The following ZDHHC7 variants were observed in gnomAD, a reference collection of about 807,000 sequenced individuals.
ZDHHC7 encodes the protein zDHHC palmitoyltransferase 7.
A neutral mutation model predicts 34.1 loss-of-function variants in ZDHHC7; 12 were observed. The ratio of observed to expected loss-of-function variants is 0.35; its 90% CI spans 0.23 to 0.57. The LOEUF is 0.57. Ranked by LOEUF, ZDHHC7 falls within the 20% of genes least tolerant of loss-of-function variation. The pLI, the probability that ZDHHC7 is intolerant of heterozygous loss-of-function variation, is 0.84. For missense variants in ZDHHC7, 388 were observed against 402.7 expected (o/e 0.96, Z 0.31); for synonymous variants, 185 against 155.4 (o/e 1.19, Z -1.42).
chr16:85,023,905 C>T, the ZDHHC7 span, among the ~76,000 whole-genome samples: 1 of 151,894 alleles, frequency 6.6e-6, no homozygotes, highest in East Asian at 1.9e-4. Flanking sequence ...CATGAGCCAT[C>T]ACACCCAACC....
intron 2 of ZDHHC7, among the ~76,000 whole-genome samples, chr16:84,994,000 T>C (rs750748864): frequency 4.6e-5 from 7 of 152,198 alleles, no homozygotes; most frequent in South Asian, 2.1e-4. Context: ...GCACTACTAG[T>C]AAAGCCTGAC....
In ZDHHC7 at chr16:84,990,259, A is replaced by G. The variant is rs371945692; in HGVS notation, c.315+45T>C. On this transcript the variant is annotated intron_variant, in intron 3 of 7. Transcript: ENST00000313732. ...AGGGTCAGCCACACCCGAGGACACT[A>G]GACCAGACACAAGAGAGCCACCCAG... The G allele has an allele frequency of 6.5e-5, 103 of 1,594,848 alleles. No individual in the cohort carries two copies. The East Asian group carries it at 1.5e-3, about 24-fold the overall frequency.
chr16:84,986,666 C>A (rs1245223154), intron 3 of ZDHHC7, among the ~76,000 whole-genome samples: 1 of 152,218 alleles, frequency 6.6e-6, no homozygotes, highest in Non-Finnish European at 1.5e-5. Flanking sequence ...CTGACCCCAT[C>A]TTCCCCTCCA....
chr16:85,022,469 G>A, the ZDHHC7 span, among the ~76,000 whole-genome samples: 1 of 152,148 alleles, frequency 6.6e-6, no homozygotes, highest in Non-Finnish European at 1.5e-5. Flanking sequence ...GTTGCAGTGA[G>A]CTGAGATTGC....
upstream of ZDHHC7, among the ~76,000 whole-genome samples, chr16:85,011,846 C>T (rs904384597): frequency 7.2e-5 from 11 of 152,204 alleles, no homozygotes; most frequent in African/African-American, 2.7e-4. Context: ...TCAGAGGCAG[C>T]TCCAGTGGCC....
At chr16:85,022,955 C>T in the ZDHHC7 span, among the ~76,000 whole-genome samples, 1 of 152,078 alleles carries the variant, frequency 6.6e-6, no homozygotes, top group South Asian at 2.1e-4. Flanking sequence ...CAAAGAAAAG[C>T]TGAGGAACTG....
At chr16:85,002,521 A>AC (rs1464222489) in intron 1 of ZDHHC7, among the ~76,000 whole-genome samples, 1 of 152,072 alleles carries the variant, frequency 6.6e-6, no homozygotes, top group Non-Finnish European at 1.5e-5. Flanking sequence ...AAAATCCCTG[A>AC]CCCACAGCAC....
intron 1 of ZDHHC7, among the ~76,000 whole-genome samples, chr16:84,998,177 C>G (rs2072607220): frequency 6.7e-6 from 1 of 148,882 alleles, no homozygotes; most frequent in Non-Finnish European, 1.5e-5. Flanking sequence ...GACAGGAGAA[C>G]GGCGCGAACC....
intron 1 of ZDHHC7, among the ~76,000 whole-genome samples, chr16:85,002,044 C>A (rs1025684736): frequency 6.6e-6 from 1 of 152,002 alleles, no homozygotes; most frequent in Non-Finnish European, 1.5e-5. Flanking sequence ...ATATAGGAAC[C>A]AAGTAAAAGA....
At chr16:85,001,047 A>G (rs777411544) in intron 1 of ZDHHC7, among the ~76,000 whole-genome samples, 21 of 152,212 alleles carry the variant, frequency 1.4e-4, no homozygotes, top group Non-Finnish European at 2.6e-4. Flanking sequence ...CCAGAGGGGA[A>G]TGTGACCAGA....
At chr16:85,023,815 T>G in the ZDHHC7 span, among the ~76,000 whole-genome samples, 2 of 152,036 alleles carry the variant, frequency 1.3e-5, no homozygotes, top group Admixed American at 1.3e-4. Context: ...AGACGGGGTT[T>G]CACCATGTTG....
At chr16:84,980,809 C>G (rs774587098) in intron 4 of ZDHHC7, among the ~76,000 whole-genome samples, 3 of 152,206 alleles carry the variant, frequency 2.0e-5, no homozygotes, top group Non-Finnish European at 2.9e-5. Context: ...AAAGAAACCT[C>G]ACCCCATATG....
At position 84,974,943 on chromosome 16, in the gene ZDHHC7, A is replaced by T. The variant is rs1336941794; in HGVS notation, c.*1400T>A. 1 of 152,682 alleles carries T rather than the reference A, an allele frequency of 6.5e-6. No individual in the cohort carries two copies. The highest frequency in any genetic ancestry group is 1.5e-5 in the Non-Finnish European group (1 of 68,070). 9.5% of individuals were successfully genotyped at this position (152,682 alleles called of 1,614,324 possible). Reference sequence around the variant, plus strand: ...CAGTTCACAGATGAACAGAAAGGCAAAACAATTCCCAGGAGGGAGACGCCA... The same window carrying T: ...CAGTTCACAGATGAACAGAAAGGCATAACAATTCCCAGGAGGGAGACGCCA... On this transcript the variant is annotated 3_prime_UTR_variant, in exon 8 of 8. Transcript: ENST00000313732.
rs775908748 is a variant in ZDHHC7 at position 84,977,937 on chromosome 16, T to A, written c.606A>T (p.Arg202=). 2 of 1,613,864 alleles carry A rather than the reference T, an allele frequency of 1.2e-6. No homozygotes were observed. Among genetic ancestry groups the A allele is most frequent in the East Asian group, 4.5e-5 (2 of 44,880 alleles). The change falls in exon 6 of 8, where the codon CGA becomes CGT. Residue 202 remains arginine, a synonymous_variant. Transcript: ENST00000313732. ...LCGFQFISCV[R]GQWTECSDFS... ...CAGGGAACTTACCAGTCCACTGCCC[T>A]CGGACACAGGAGATGAACTGAAATC...
At chr16:84,998,820 C>T (rs1430636248) in intron 1 of ZDHHC7, among the ~76,000 whole-genome samples, 1 of 141,038 alleles carries the variant, frequency 7.1e-6, no homozygotes, top group Non-Finnish European at 1.5e-5. Context: ...GTGGCGCGAT[C>T]TCGGCTCACC....
chr16:84,998,667 C>A (rs2072614958), intron 1 of ZDHHC7, among the ~76,000 whole-genome samples: 1 of 151,948 alleles, frequency 6.6e-6, no homozygotes, highest in African/African-American at 2.4e-5. Flanking sequence ...GCTTTTCCCT[C>A]AAGCTTCTGC....
intron 1 of ZDHHC7, among the ~76,000 whole-genome samples, chr16:85,002,739 C>T (rs1396286896): frequency 1.3e-5 from 2 of 151,804 alleles, no homozygotes; most frequent in Admixed American, 6.6e-5. Context: ...GGGGGATGGT[C>T]GACAAAGCGG....
intron 1 of ZDHHC7, among the ~76,000 whole-genome samples, chr16:85,010,519 G>A (rs1052101076): frequency 1.3e-5 from 2 of 152,198 alleles, no homozygotes; most frequent in African/African-American, 4.8e-5. Flanking sequence ...CATACACTAA[G>A]CAGACTGAAA....
intron 1 of ZDHHC7, among the ~76,000 whole-genome samples, chr16:85,008,091 G>A (rs2143754560): frequency 6.6e-6 from 1 of 152,148 alleles, no homozygotes; most frequent in South Asian, 2.1e-4. Flanking sequence ...ACTCCAGCCT[G>A]GGCAAAAGAG....
Sources: allele counts gnomAD v4.1 joint callset (sites outside exome capture counted in the v4.1 genomes callset), GRCh38; gene constraint gnomAD v4.1.1; transcripts MANE v1.5; gene names NCBI Gene and HGNC (gene_info 2026-07-23, HGNC 2026-07-21).